Variants in THOC2 observed in about 807,000 individuals in gnomAD.
THOC2 encodes THO complex 2.
THOC2 carries 10 observed loss-of-function variants against 128.4 expected under a neutral mutation model. That is an observed-to-expected ratio of 0.08 (90% CI 0.05 to 0.13). The LOEUF is 0.13. Ranked by LOEUF, THOC2 falls within the 10% of genes least tolerant of loss-of-function variation. The pLI, the probability that THOC2 is intolerant of heterozygous loss-of-function variation, is 1.00. For missense variants in THOC2, 535 were observed against 1,155.7 expected (o/e 0.46, Z 7.79); for synonymous variants, 393 against 396.9 (o/e 0.99, Z 0.12).
In THOC2 at chrX:123,611,402, T is replaced by C. The variant is rs757688784; in HGVS notation, c.4754+38A>G. On this transcript the variant is annotated intron_variant, in intron 37 of 38. Transcript: ENST00000245838. The stretch of plus-strand genomic sequence containing the variant: ...AAACATGACCAGTATCAAAGCTTTC[T>C]ACTACACTAACTGAAAACATCAAAA... 15 of 1,077,136 alleles carry C rather than the reference T, an allele frequency of 1.4e-5. No homozygotes were observed. In the East Asian group the frequency reaches 3.3e-4, roughly 24 times the overall value. The allele number at this position is 1,077,136 out of a possible 1,213,427, so 88.8% of individuals were successfully genotyped here.
chrX:123,677,737 G>C (rs751607804), intron 8 of THOC2, among the ~76,000 whole-genome samples: 10 of 109,599 alleles, frequency 9.1e-5, no homozygotes, highest in Non-Finnish European at 1.9e-4. Context: ...AGGCTTAGTG[G>C]CAGGCGCCTG....
In THOC2 at chrX:123,728,137, T is replaced by C. The variant is rs73630729; in HGVS notation, c.71+4815A>G. ...GTAGTTAAATAAAGTGCTACCTCTATTATCATTTGTAGAACAGAAACATAA... is the reference window on the plus strand; with the variant it reads ...GTAGTTAAATAAAGTGCTACCTCTACTATCATTTGTAGAACAGAAACATAA... On this transcript the variant is annotated intron_variant, in intron 1 of 38. Coordinates refer to ENST00000245838, the MANE Select transcript of THOC2 (RefSeq NM_001081550.2). 5.2e-3 allele frequency among the ~76,000 whole-genome samples: 584 copies of C among 111,632 alleles called. 2 individuals are homozygous for C. The highest frequency in any genetic ancestry group is 0.018 in the African/African-American group (548 of 30,741).
intron 8 of THOC2, among the ~76,000 whole-genome samples, chrX:123,679,335 T>C (rs766004422): frequency 8.9e-6 from 1 of 111,752 alleles, no homozygotes; most frequent in Non-Finnish European, 1.9e-5. Flanking sequence ...AGGCATTTGA[T>C]GGTTAATCAT....
chrX:123,686,750 A>G (rs1359729058), intron 7 of THOC2, 36 bp from the exon 8 acceptor site: 1 of 1,016,389 alleles, frequency 9.8e-7, no homozygotes, highest in Non-Finnish European at 1.3e-6. Flanking sequence ...TTTAAAAATG[A>G]TTATACATCA....
chrX:123,693,026 T>C (rs2050289937), intron 7 of THOC2, among the ~76,000 whole-genome samples: 1 of 111,846 alleles, frequency 8.9e-6, no homozygotes, highest in African/African-American at 3.3e-5. Flanking sequence ...AATAGGATGC[T>C]GGTCAGTGAG....
At chrX:123,664,313 A>G (rs759149827) in intron 12 of THOC2, among the ~76,000 whole-genome samples, 1 of 112,358 alleles carries the variant, frequency 8.9e-6, no homozygotes, top group Non-Finnish European at 1.9e-5. Context: ...CTTCATGTCT[A>G]AAACACAAAA....
At chrX:123,659,347 C>G (rs144918374) in intron 12 of THOC2, among the ~76,000 whole-genome samples, 13,035 of 111,951 alleles carry the variant, frequency 0.12, 751 homozygotes, top group Middle Eastern at 0.22. Context: ...CCGAGGCGGG[C>G]GGATCACAAG....
At chrX:123,662,632 G>A (rs1199773562) in intron 12 of THOC2, among the ~76,000 whole-genome samples, 5 of 105,908 alleles carry the variant, frequency 4.7e-5, no homozygotes, top group African/African-American at 1.4e-4. Context: ...AGAATTAAAC[G>A]TTAAAATTTT....
At chrX:123,656,352 A>AAAG (rs2048579799) in intron 12 of THOC2, among the ~76,000 whole-genome samples, 3 of 100,142 alleles carry the variant, frequency 3.0e-5, no homozygotes, top group Admixed American at 1.1e-4. Context: ...AAAAAAAAAA[A>AAAG]AGAGAGAGAG....
intron 18 of THOC2, 45 bp from the exon 19 acceptor site, chrX:123,636,220 T>C: frequency 9.9e-7 from 1 of 1,006,606 alleles, no homozygotes; most frequent in South Asian, 2.1e-5. Context: ...TAAAACAAAA[T>C]GCACAAGTAT....
intron 38 of THOC2, among the ~76,000 whole-genome samples, chrX:123,610,568 T>G (rs1021809755): frequency 9.0e-6 from 1 of 111,720 alleles, no homozygotes; most frequent in Non-Finnish European, 1.9e-5. Context: ...GTTTCTTCAC[T>G]TATAAAATGC....
At chrX:123,630,079 A>G (rs2047416793) in intron 22 of THOC2, among the ~76,000 whole-genome samples, 1 of 111,830 alleles carries the variant, frequency 8.9e-6, no homozygotes, top group Admixed American at 9.4e-5. Context: ...CCCCATAGTC[A>G]CTATCTAGTT....
chrX:123,699,318 C>T (rs2050594831), intron 4 of THOC2, among the ~76,000 whole-genome samples: 1 of 111,941 alleles, frequency 8.9e-6, no homozygotes, highest in South Asian at 3.7e-4. Flanking sequence ...CTTGACTTTC[C>T]CTTCTTGGAC....
At chrX:123,719,287 T>C (rs2051580988) in intron 1 of THOC2, among the ~76,000 whole-genome samples, 1 of 108,110 alleles carries the variant, frequency 9.2e-6, no homozygotes, top group Non-Finnish European at 1.9e-5. Context: ...AAAAAAAACC[T>C]CAAAATCATT....
chrX:123,718,972 G>A (rs1338533926), intron 1 of THOC2, among the ~76,000 whole-genome samples: 1 of 109,928 alleles, frequency 9.1e-6, no homozygotes, highest in African/African-American at 3.3e-5. Flanking sequence ...TCAGGAAATC[G>A]AGACCATCCT....
At chrX:123,693,941 G>A (rs777971275) in intron 7 of THOC2, among the ~76,000 whole-genome samples, 6 of 111,189 alleles carry the variant, frequency 5.4e-5, no homozygotes, top group Non-Finnish European at 1.1e-4. Context: ...TCATGAGCTT[G>A]CAGTTGTGCC....
At chrX:123,714,708 C>A (rs984183765) in intron 1 of THOC2, among the ~76,000 whole-genome samples, 1 of 112,031 alleles carries the variant, frequency 8.9e-6, no homozygotes, top group Admixed American at 9.5e-5. Flanking sequence ...TTTCCAGGCT[C>A]TAACATGTGA....
At position 123,633,953 on chromosome X, in the gene THOC2, C is replaced by T; in HGVS notation, c.2136G>A (p.Glu712=). The T allele has an allele frequency of 1.7e-6, 2 of 1,149,040 alleles. No homozygotes were observed. The highest frequency in any genetic ancestry group is 1.2e-6 in the Non-Finnish European group (1 of 845,730). 94.7% of individuals were successfully genotyped at this position (1,149,040 alleles called of 1,213,427 possible). Residue 712 remains glutamate, a splice_region_variant and synonymous_variant, in exon 20 of 39, where the codon GAG becomes GAA. Coordinates refer to ENST00000245838, the MANE Select transcript of THOC2 (RefSeq NM_001081550.2). ...AMTGGEQLKA[E]GGYFGQIRNT... ...GATGAACAAAAATAGCAATTCTTAC[C>T]TCAGCTTTTAGCTGCTCTCCACCAG...
chrX:123,641,079 G>A (rs969570684), intron 15 of THOC2, among the ~76,000 whole-genome samples: 15 of 110,983 alleles, frequency 1.4e-4, no homozygotes, highest in Non-Finnish European at 2.4e-4. Flanking sequence ...GTAAACTTAT[G>A]TAACTTTACT....
Sources: allele counts gnomAD v4.1 joint callset (sites outside exome capture counted in the v4.1 genomes callset), GRCh38; gene constraint gnomAD v4.1.1; transcripts MANE v1.5; gene names NCBI Gene and HGNC (gene_info 2026-07-23, HGNC 2026-07-21).